Variants in MAPT observed in about 807,000 individuals in gnomAD.
MAPT encodes the protein microtubule-associated protein tau.
A neutral mutation model predicts 67.9 loss-of-function variants in MAPT; 34 were observed. The ratio of observed to expected loss-of-function variants is 0.50; its 90% CI spans 0.38 to 0.67. The LOEUF (loss-of-function observed/expected upper bound fraction) is 0.67. Ranked by LOEUF, MAPT falls within the 30% of genes least tolerant of loss-of-function variation. MAPT has a pLI of 0.00. For synonymous variants in MAPT, 456 were observed against 464.5 expected, an observed-to-expected ratio of 0.98 and a Z score of 0.23; for missense variants, 881 against 1,115.2, an observed-to-expected ratio of 0.79 and a Z score of 2.99.
chr17:45,902,061 T>A (rs2143797570), intron 1 of MAPT, among the ~76,000 whole-genome samples: 2 of 152,308 alleles, frequency 1.3e-5, no homozygotes, highest in South Asian at 4.1e-4. Flanking sequence ...TTTTACTCCA[T>A]CAGCTTGCAC....
chr17:45,992,068 G>A (rs1442406999), intron 8 of MAPT, among the ~76,000 whole-genome samples: 1 of 152,028 alleles, frequency 6.6e-6, no homozygotes, highest in Non-Finnish European at 1.5e-5. Context: ...TTACAGGCAT[G>A]AGCCACCACT....
intron 3 of MAPT, 192 bp downstream of exon 3, chr17:45,972,137 C>T: frequency 1.4e-6 from 1 of 696,698 alleles, no homozygotes; most frequent in Non-Finnish European, 2.6e-6. Flanking sequence ...AGTGTGGGCA[C>T]CTTCATCCCG....
In MAPT at chr17:45,996,494, C is replaced by G; in HGVS notation, c.1828C>G (p.Pro610Ala). The G allele has an allele frequency of 1.2e-6, 2 of 1,613,544 alleles. No individual in the cohort carries two copies. Among genetic ancestry groups the G allele is most frequent in the Non-Finnish European group, 1.7e-6 (2 of 1,179,920 alleles). ...SRSRTPSLPT[P>A]PTREPKKVAV... ...CTCCCGCACCCCGTCCCTTCCAACC[C>G]CACCCACCCGGGAGCCCAAGAAGGT... The change falls in exon 9 of 13, where the codon CCA becomes GCA. Residue 610 changes from proline (P) to alanine (A), a missense_variant. By Grantham distance (27) the Pro-to-Ala change is conservative. Around this residue, in one of 6 missense-constraint regions of MAPT, gnomAD observed 33 missense variants for 76.0 expected, o/e 0.43. Transcript: ENST00000262410. The surrounding 1 kb of genome is among the most constrained non-coding windows in gnomAD (Gnocchi z 4.5).
At chr17:45,900,696 G>A (rs2063556175) in intron 1 of MAPT, among the ~76,000 whole-genome samples, 1 of 152,318 alleles carries the variant, frequency 6.6e-6, no homozygotes, top group Non-Finnish European at 1.5e-5. Context: ...TCTGCATGTG[G>A]AGGCAGTTTG....
At chr17:45,965,464 G>A (rs1374120999) in intron 2 of MAPT, among the ~76,000 whole-genome samples, 1 of 151,740 alleles carries the variant, frequency 6.6e-6, no homozygotes, top group Non-Finnish European at 1.5e-5. Context: ...CGCCCAGGCT[G>A]GAGTGTAGTG....
chr17:46,005,922 A>G (rs1432627681), intron 9 of MAPT, among the ~76,000 whole-genome samples: 1 of 152,206 alleles, frequency 6.6e-6, no homozygotes, highest in Non-Finnish European at 1.5e-5. Context: ...TGAGATCTAG[A>G]TTCTTCTGTG....
chr17:45,895,082 T>TGTG (rs1302549015), intron 1 of MAPT: 1 of 154,600 alleles, frequency 6.5e-6, no homozygotes, highest in Admixed American at 6.5e-5. Context: ...TGTGTGTGTG[T>TGTG]GTGTGTGTGG....
Position 45,989,921 on chromosome 17 carries a change from G to T in MAPT, c.1451G>T (p.Cys484Phe), listed in dbSNP as rs1555710363. ...GCTAAAACCTTGAAAAATAGGCCTT[G>T]CCTTAGCCCCAAACACCCCACTCCT... ...SSAKTLKNRP[C>F]LSPKHPTPGS... Residue 484 changes from cysteine (C) to phenylalanine (F), a missense_variant, in exon 7 of 13, where the codon TGC becomes TTC. Cys to Phe is a radical substitution (Grantham distance 205). Around this residue, in one of 6 missense-constraint regions of MAPT, gnomAD observed 687 missense variants for 766.1 expected, o/e 0.90. Coordinates refer to ENST00000262410, the MANE Select transcript of MAPT (RefSeq NM_001377265.1). The T allele has an allele frequency of 2.5e-6, 4 of 1,614,138 alleles. No individual in the cohort carries two copies. Among genetic ancestry groups the T allele is most frequent in the Non-Finnish European group, 3.4e-6 (4 of 1,180,034 alleles).
intron 8 of MAPT, among the ~76,000 whole-genome samples, chr17:45,992,972 A>G (rs1189337866): frequency 6.6e-6 from 1 of 150,484 alleles, no homozygotes; most frequent in African/African-American, 2.5e-5. Flanking sequence ...TCTCTCTTCC[A>G]TTGCCCCAGT....
At position 46,024,742 on chromosome 17, in the gene MAPT, G is replaced by T; in HGVS notation, c.*571G>T. 5.4e-6 allele frequency: 1 copy of T among 184,264 alleles called. No homozygotes were observed. The highest frequency in any genetic ancestry group is 1.2e-5 in the Non-Finnish European group (1 of 86,300). The allele number at this position is 184,264 out of a possible 1,614,324, so 11.4% of individuals were successfully genotyped here. A position where few individuals can be genotyped will look rare whatever the true frequency, so the allele number is the denominator to read the frequency against. ...GGCAGGGGCTGGGCAGAGGGGAGAG[G>T]AAGCACAAGAAGTGGGAGTGGGAGA... On this transcript the variant is annotated 3_prime_UTR_variant, in exon 13 of 13. Transcript: ENST00000262410.
intron 1 of MAPT, among the ~76,000 whole-genome samples, chr17:45,939,298 T>C (rs980000296): frequency 2.6e-5 from 4 of 152,174 alleles, no homozygotes; most frequent in African/African-American, 9.7e-5. Context: ...CAACAAGATC[T>C]GGAAGAGGTG....
At chr17:46,006,442 G>C (rs1393597819) in intron 9 of MAPT, among the ~76,000 whole-genome samples, 1 of 151,892 alleles carries the variant, frequency 6.6e-6, no homozygotes, top group African/African-American at 2.4e-5. Flanking sequence ...GAGGGTGGAG[G>C]GGAGCAGGGA....
intron 2 of MAPT, among the ~76,000 whole-genome samples, chr17:45,968,311 G>A (rs1033577332): frequency 6.6e-6 from 1 of 152,166 alleles, no homozygotes; most frequent in Non-Finnish European, 1.5e-5. Context: ...GGGCACAAAG[G>A]GAGACCCTCT....
At chr17:45,982,261 G>A (rs1007913636) in intron 4 of MAPT, among the ~76,000 whole-genome samples, 3 of 146,698 alleles carry the variant, frequency 2.0e-5, no homozygotes, top group African/African-American at 7.6e-5. Context: ...GTCAGAGGTT[G>A]CAGTGAGCTG....
At chr17:45,945,059 C>G (rs1245055120) in intron 1 of MAPT, among the ~76,000 whole-genome samples, 1 of 152,200 alleles carries the variant, frequency 6.6e-6, no homozygotes, top group East Asian at 1.9e-4. Context: ...TATGTACCCA[C>G]AAAGGTGTGG....
chr17:45,899,093 G>C (rs1318743712), intron 1 of MAPT, among the ~76,000 whole-genome samples: 1 of 152,222 alleles, frequency 6.6e-6, no homozygotes, highest in African/African-American at 2.4e-5. Context: ...CACCAGCTGG[G>C]CTGCAGCAGG....
chr17:46,014,433 A>G, intron 11 of MAPT, 109 bp downstream of exon 11: 1 of 801,872 alleles, frequency 1.2e-6, no homozygotes, highest in African/African-American at 1.7e-5. Context: ...AGGATATTTT[A>G]GGTAGACCTA....
chr17:45,930,584 C>G (rs753023250), intron 1 of MAPT, among the ~76,000 whole-genome samples: 1 of 152,098 alleles, frequency 6.6e-6, no homozygotes, highest in Non-Finnish European at 1.5e-5. Context: ...GTCACTTGTC[C>G]CAGGCCACAC....
At chr17:45,921,520 A>C (rs1282272273) in intron 1 of MAPT, among the ~76,000 whole-genome samples, 1 of 152,190 alleles carries the variant, frequency 6.6e-6, no homozygotes, top group African/African-American at 2.4e-5. Flanking sequence ...CTGGAGGGAA[A>C]GCTCAATCGA....
Sources: gnomAD v4.1 joint callset for allele counts (sites outside exome capture counted in the v4.1 genomes callset) on GRCh38, gnomAD v4.1.1 for gene constraint, gnomAD v4.1.1 regional missense constraint, Gnocchi (gnomAD v3.1) non-coding constraint, MANE v1.5 for transcripts, NCBI Gene and HGNC (gene_info 2026-07-23, HGNC 2026-07-21) for gene names.